PAPPA2: variants seen among roughly 807,000 people sequenced by gnomAD.
PAPPA2 encodes the protein pappalysin 2.
In PAPPA2, 86 loss-of-function variants were observed where a neutral mutation model predicts 176.4. The ratio of observed to expected loss-of-function variants is 0.49; its 90% CI spans 0.41 to 0.58. PAPPA2 has a LOEUF of 0.58. PAPPA2 is among the 20% of genes least tolerant of loss of function. PAPPA2 has a pLI of 0.00. For synonymous variants in PAPPA2, 809 were observed against 852.2 expected (o/e 0.95, Z 0.88); for missense variants, 2,073 against 2,256.9 (o/e 0.92, Z 1.65).
intron 12 of PAPPA2, among the ~76,000 whole-genome samples, chr1:176,719,210 A>AT (rs898599573): frequency 6.5e-4 from 96 of 147,454 alleles, no homozygotes; most frequent in South Asian, 1.5e-3. Context: ...TATCTAAAAG[A>AT]TTTTTTTTTT....
chr1:176,647,262 A>AT (rs1278340199), intron 3 of PAPPA2, among the ~76,000 whole-genome samples: 3 of 150,932 alleles, frequency 2.0e-5, no homozygotes, highest in South Asian at 2.1e-4. Context: ...GGATTATTGG[A>AT]TTTTTTTTCC....
intron 1 of PAPPA2, among the ~76,000 whole-genome samples, chr1:176,502,599 C>T (rs1225255560): frequency 2.0e-5 from 3 of 152,164 alleles, no homozygotes; most frequent in Admixed American, 6.5e-5. Context: ...AAACAACAAT[C>T]ACTAGGTATG....
intron 3 of PAPPA2, among the ~76,000 whole-genome samples, chr1:176,658,042 G>T (rs74127219): frequency 2.0e-4 from 31 of 152,122 alleles, no homozygotes; most frequent in African/African-American, 7.5e-4. Context: ...TGCTGAGAAA[G>T]GAATGATACT....
chr1:176,835,311 C>T (rs531238153), intron 21 of PAPPA2, among the ~76,000 whole-genome samples: 20 of 152,278 alleles, frequency 1.3e-4, no homozygotes, highest in African/African-American at 4.6e-4. Context: ...GAAGTTTCTA[C>T]TAAATAATCT....
intron 21 of PAPPA2, among the ~76,000 whole-genome samples, chr1:176,816,152 G>GTGTATATATA (rs1428455900): frequency 2.4e-5 from 1 of 42,260 alleles, no homozygotes; most frequent in African/African-American, 8.0e-5. Flanking sequence ...CTTTCACAGT[G>GTGTATATATA]TATATATATA....
At chr1:176,695,681 C>T in intron 6 of PAPPA2, 57 bp from the exon 7 acceptor site, 2 of 1,589,784 alleles carry the variant, frequency 1.3e-6, no homozygotes, top group Non-Finnish European at 1.7e-6. Context: ...ATTTTCTTAT[C>T]CCAACTCATC....
chr1:176,468,218 G>A (rs1178067281), intron 1 of PAPPA2, among the ~76,000 whole-genome samples: 1 of 152,156 alleles, frequency 6.6e-6, no homozygotes, highest in Admixed American at 6.5e-5. Context: ...ATGTCTCTGG[G>A]CTCTGACATT....
intron 3 of PAPPA2, among the ~76,000 whole-genome samples, chr1:176,621,258 C>A (rs1444033945): frequency 6.6e-6 from 1 of 152,086 alleles, no homozygotes; most frequent in East Asian, 1.9e-4. Flanking sequence ...CAGACTAAGT[C>A]ATTGTTTTAT....
At chr1:176,588,865 A>G (rs1214710545) in intron 2 of PAPPA2, among the ~76,000 whole-genome samples, 2 of 152,168 alleles carry the variant, frequency 1.3e-5, no homozygotes, top group African/African-American at 4.8e-5. Context: ...GCTGTTTTTC[A>G]GGCCTCAAGA....
intron 3 of PAPPA2, among the ~76,000 whole-genome samples, chr1:176,656,715 A>G (rs1398699969): frequency 6.6e-6 from 1 of 151,848 alleles, no homozygotes; most frequent in African/African-American, 2.4e-5. Context: ...AACATTTTAA[A>G]GATTTTCTTC....
intron 4 of PAPPA2, among the ~76,000 whole-genome samples, chr1:176,675,379 G>A (rs1037768546): frequency 6.6e-6 from 1 of 151,958 alleles, no homozygotes; most frequent in African/African-American, 2.4e-5. Context: ...GGCATTATTG[G>A]GCACTGGCTT....
At chr1:176,572,695 A>T (rs1439806120) in intron 2 of PAPPA2, among the ~76,000 whole-genome samples, 1 of 152,238 alleles carries the variant, frequency 6.6e-6, no homozygotes, top group African/African-American at 2.4e-5. Context: ...TTGAAGCAAT[A>T]TAAGAAACAC....
intron 3 of PAPPA2, among the ~76,000 whole-genome samples, chr1:176,649,444 T>G (rs550860200): frequency 1.8e-4 from 28 of 151,492 alleles, no homozygotes; most frequent in Non-Finnish European, 3.7e-4. Flanking sequence ...TCTTTATGAT[T>G]TCTTTCTCCT....
chr1:176,616,748 G>C lies in PAPPA2; in HGVS notation c.1991+21153G>C. 2.4e-6 allele frequency: 3 copies of C among 1,261,574 alleles called. No individual in the cohort carries two copies. In the Admixed American group the frequency reaches 5.2e-5, roughly 22 times the overall value. 78.1% of individuals were successfully genotyped at this position (1,261,574 alleles called of 1,614,324 possible). ...GTGTAATAGGAAATCTCATGTTCTT[G>C]TATGTGACTTTCACAGGAGCTGGGT... On this transcript the variant is annotated intron_variant, in intron 3 of 22. Transcript: ENST00000367662.
At chr1:176,593,731 G>C (rs1257070936) in intron 2 of PAPPA2, among the ~76,000 whole-genome samples, 1 of 152,156 alleles carries the variant, frequency 6.6e-6, no homozygotes, top group African/African-American at 2.4e-5. Context: ...AATGCCCTGG[G>C]CCTGCCCTGA....
chr1:176,691,533 A>C (rs1359532760), intron 5 of PAPPA2, among the ~76,000 whole-genome samples: 1 of 152,236 alleles, frequency 6.6e-6, no homozygotes, highest in African/African-American at 2.4e-5. Flanking sequence ...TAGGAAGCTG[A>C]GTGAGGCAGT....
Position 176,830,187 on chromosome 1 carries a change from A to G in PAPPA2, c.5203-9986A>G, listed in dbSNP as rs149656671. ...GGTTTGAGACCAGCCTGGACAACAT[A>G]GCCAGACCCCATCTCTTAAAAAATA... On this transcript the variant is annotated intron_variant, in intron 21 of 22. Transcript: ENST00000367662. Among the ~76,000 whole-genome samples the G allele has an allele frequency of 6.3e-3, 952 of 152,296 alleles. 13 individuals are homozygous for G. Among genetic ancestry groups the G allele is most frequent in the African/African-American group, 0.021 (887 of 41,570 alleles).
At chr1:176,715,463 G>C (rs1661327348) in intron 12 of PAPPA2, among the ~76,000 whole-genome samples, 1 of 152,162 alleles carries the variant, frequency 6.6e-6, no homozygotes, top group African/African-American at 2.4e-5. Flanking sequence ...GGCTGCAAAG[G>C]GTAGACATCA....
chr1:176,826,755 G>C (rs1390218988), intron 21 of PAPPA2, among the ~76,000 whole-genome samples: 1 of 152,234 alleles, frequency 6.6e-6, no homozygotes, highest in African/African-American at 2.4e-5. Context: ...TGATAAAATA[G>C]TTATGTCTAA....
Sources: allele counts gnomAD v4.1 joint callset (sites outside exome capture counted in the v4.1 genomes callset), GRCh38; gene constraint gnomAD v4.1.1; transcripts MANE v1.5; gene names NCBI Gene and HGNC (gene_info 2026-07-23, HGNC 2026-07-21).